The following KLF8 variants were observed in gnomAD, a reference collection of about 807,000 sequenced individuals.
KLF8 encodes the protein Krueppel-like factor 8.
Under a neutral mutation model 18.2 loss-of-function variants are expected in KLF8, and 10 were observed. The ratio of observed to expected loss-of-function variants is 0.55; its 90% confidence interval spans 0.34 to 0.93. KLF8 has a LOEUF of 0.93. Among genes scored for constraint, KLF8 ranks in the 40% least tolerant of loss-of-function variants. The pLI, the probability that KLF8 is intolerant of heterozygous loss-of-function variation, is 0.02. For synonymous variants in KLF8, 109 were observed against 97.3 expected, an observed-to-expected ratio of 1.12 and a Z score of -0.71; for missense variants, 264 against 277.9, an observed-to-expected ratio of 0.95 and a Z score of 0.36.
chrX:56,138,417 A>G, the KLF8 span, among the ~76,000 whole-genome samples: 1 of 111,743 alleles, frequency 8.9e-6, no homozygotes, highest in Non-Finnish European at 1.9e-5. Flanking sequence ...AAACTCCTCA[A>G]CAAAGTACTA....
chrX:56,002,417 ATGTGTGTGTGTGTG>A, the KLF8 span, among the ~76,000 whole-genome samples: 51 of 92,649 alleles, frequency 5.5e-4, no homozygotes, highest in African/African-American at 2.2e-3. Flanking sequence ...ATTTGTGTGT[ATGTGTGTGTGTGTG>A]TGTGTGTGTG....
chrX:56,186,153 T>A, the KLF8 span, among the ~76,000 whole-genome samples: 2 of 111,753 alleles, frequency 1.8e-5, no homozygotes, highest in East Asian at 5.6e-4. Context: ...GAGACACACA[T>A]AGGCTCAAAA....
chrX:56,186,975 C>G, the KLF8 span, among the ~76,000 whole-genome samples: 1 of 111,304 alleles, frequency 9.0e-6, no homozygotes, highest in Non-Finnish European at 1.9e-5. Context: ...ACTAGAGAAG[C>G]AACAGCAAAC....
chrX:56,074,219 C>G, the KLF8 span, among the ~76,000 whole-genome samples: 1 of 111,813 alleles, frequency 8.9e-6, no homozygotes, highest in Non-Finnish European at 1.9e-5. Context: ...TTTGAAAGTA[C>G]CCTCTTTTTT....
the KLF8 span, among the ~76,000 whole-genome samples, chrX:56,139,681 A>G: frequency 1.5e-4 from 17 of 111,802 alleles, no homozygotes; most frequent in African/African-American, 5.2e-4. Context: ...ACCCTAAAAG[A>G]AAACCTAGGA....
chrX:56,120,059 A>G, the KLF8 span, among the ~76,000 whole-genome samples: 1 of 110,709 alleles, frequency 9.0e-6, no homozygotes, highest in Non-Finnish European at 1.9e-5. Context: ...CTTTTAACTA[A>G]TCTGGAATCT....
chrX:56,036,166 A>G, the KLF8 span, among the ~76,000 whole-genome samples: 1 of 111,773 alleles, frequency 8.9e-6, no homozygotes, highest in African/African-American at 3.3e-5. Context: ...ATTTTGATAC[A>G]TATGATGTAT....
At chrX:56,180,237 T>C in the KLF8 span, among the ~76,000 whole-genome samples, 1 of 112,028 alleles carries the variant, frequency 8.9e-6, no homozygotes, top group Non-Finnish European at 1.9e-5. Flanking sequence ...TTTATCCATT[T>C]CTTTCAGATT....
At chrX:55,996,167 T>C in the KLF8 span, among the ~76,000 whole-genome samples, 1 of 112,075 alleles carries the variant, frequency 8.9e-6, no homozygotes. Context: ...TGGTATTACT[T>C]CTGATTGTAT....
chrX:56,082,343 CT>C, the KLF8 span, among the ~76,000 whole-genome samples: 4 of 108,883 alleles, frequency 3.7e-5, no homozygotes, highest in South Asian at 7.7e-4. Context: ...TGTGTCTTCT[CT>C]TTTTTTTTAG....
the KLF8 span, among the ~76,000 whole-genome samples, chrX:56,089,073 GTTTTA>G: frequency 9.0e-6 from 1 of 110,965 alleles, no homozygotes. Context: ...TTACTTACTA[GTTTTA>G]TAAAGTCATC....
the KLF8 span, among the ~76,000 whole-genome samples, chrX:55,945,709 G>T: frequency 2.7e-5 from 3 of 111,289 alleles, no homozygotes; most frequent in Non-Finnish European, 5.6e-5. Context: ...GTCCCTGTTT[G>T]TAGATGACAT....
At chrX:56,058,834 T>C in the KLF8 span, among the ~76,000 whole-genome samples, 7 of 111,675 alleles carry the variant, frequency 6.3e-5, no homozygotes, top group Non-Finnish European at 1.3e-4. Flanking sequence ...GTCTTTACAG[T>C]AGAATGATTT....
the KLF8 span, among the ~76,000 whole-genome samples, chrX:56,097,894 T>C: frequency 9.1e-6 from 1 of 109,585 alleles, no homozygotes; most frequent in South Asian, 4.0e-4. Flanking sequence ...GGATATTTGC[T>C]CTTACCACTC....
Position 56,291,391 on chromosome X carries a change from G to A in KLF8, c.*6897G>A, listed in dbSNP as rs940562315. ...CTCAAGATTTGCCTCTGTTAGCATG[G>A]CCACTTAGAGATTACTCTGTTCTAC... On this transcript the variant is annotated 3_prime_UTR_variant, in exon 6 of 6. Coordinates refer to ENST00000468660, the MANE Select transcript of KLF8 (RefSeq NM_007250.5). Among the ~76,000 whole-genome samples, 1 of 111,602 alleles carries A rather than the reference G, an allele frequency of 9.0e-6. No individual in the cohort carries two copies. The highest frequency in any genetic ancestry group is 1.9e-5 in the Non-Finnish European group (1 of 53,070).
the KLF8 span, among the ~76,000 whole-genome samples, chrX:56,053,869 G>C: frequency 9.0e-6 from 1 of 110,532 alleles, no homozygotes; most frequent in Non-Finnish European, 1.9e-5. Context: ...CATAGTTTTT[G>C]ATTGTGTTTA....
the KLF8 span, among the ~76,000 whole-genome samples, chrX:56,028,404 T>C: frequency 2.7e-5 from 3 of 111,733 alleles, no homozygotes; most frequent in Non-Finnish European, 3.8e-5. Flanking sequence ...TGACCTGCTT[T>C]CTTTCTGACC....
At chrX:55,984,232 G>A in the KLF8 span, among the ~76,000 whole-genome samples, 1 of 110,195 alleles carries the variant, frequency 9.1e-6, no homozygotes, top group South Asian at 3.9e-4. Flanking sequence ...CATCACCCAG[G>A]TATTAAGCCC....
chrX:56,125,156 A>C, the KLF8 span, among the ~76,000 whole-genome samples: 2 of 112,020 alleles, frequency 1.8e-5, no homozygotes, highest in Non-Finnish European at 3.8e-5. Flanking sequence ...GTACTTTTAA[A>C]TTAGAAGAAC....
Sources: allele counts gnomAD v4.1 joint callset (sites outside exome capture counted in the v4.1 genomes callset), GRCh38; gene constraint gnomAD v4.1.1; transcripts MANE v1.5; gene names NCBI Gene and HGNC (gene_info 2026-07-23, HGNC 2026-07-21).